Variants in KCNT1 observed in about 807,000 individuals in gnomAD.
The protein encoded by KCNT1 is potassium channel subfamily T member 1.
KCNT1 carries 78 observed loss-of-function variants against 147.8 expected under a neutral mutation model. The observed-to-expected ratio is 0.53, with a 90% CI of 0.44 to 0.64. The LOEUF (loss-of-function observed/expected upper bound fraction) is 0.64, where lower values mean the gene tolerates loss of function less well. Ranked by LOEUF, KCNT1 falls within the 30% of genes least tolerant of loss-of-function variation. The pLI is 0.00. For missense variants in KCNT1, 1,419 were observed against 1,750.3 expected (o/e 0.81, Z 3.38); for synonymous variants, 867 against 748.8 (o/e 1.16, Z -2.58).
In KCNT1 at chr9:135,765,096, T is replaced by C. The variant is rs553751644; in HGVS notation, c.1101T>C (p.Arg367=). The change falls in exon 12 of 31, where the codon CGT becomes CGC. Residue 367 remains arginine, a synonymous_variant. Coordinates refer to ENST00000371757, the MANE Select transcript of KCNT1 (RefSeq NM_020822.3). ...QKSGGNYSRH[R]AQTEKHVVLC... is the part of the protein sequence containing the mutation. Reference sequence around the variant, plus strand: ...CAGGGGGCAACTACAGCCGCCACCGTGCGCAGACGGAGAAGCACGTGGTCC... The same window carrying C: ...CAGGGGGCAACTACAGCCGCCACCGCGCGCAGACGGAGAAGCACGTGGTCC... The C allele has an allele frequency of 6.2e-6, 10 of 1,613,480 alleles. No individual in the cohort carries two copies. Among genetic ancestry groups the C allele is most frequent in the Non-Finnish European group, 7.6e-6 (9 of 1,179,942 alleles).
At chr9:135,778,335 C>G in intron 21 of KCNT1, 89 bp from the exon 22 acceptor site, 1 of 1,242,616 alleles carries the variant, frequency 8.0e-7, no homozygotes, top group Admixed American at 2.1e-5. Flanking sequence ...CCTGGCCCAG[C>G]TCTGTGCATG....
Position 135,775,290 on chromosome 9 carries a change from G to A in KCNT1, c.2244-20G>A. 4 of 1,583,950 alleles carry A rather than the reference G, an allele frequency of 2.5e-6. No homozygotes were observed. Among genetic ancestry groups the A allele is most frequent in the Non-Finnish European group, 3.5e-6 (4 of 1,159,414 alleles). ...CCACCTCTGTGCAGCTGTGCTGAGG[G>A]CTCCTGTCTCCTGCCCCAGGTATGT... is the stretch of plus-strand genomic sequence containing the variant. On this transcript the variant is annotated intron_variant, in intron 19 of 30. Transcript: ENST00000371757.
At chr9:135,750,412 C>A in intron 3 of KCNT1, 1 of 573,532 alleles carries the variant, frequency 1.7e-6, no homozygotes, top group Non-Finnish European at 3.1e-6. Context: ...GCCTCTGCAG[C>A]GGGACTCGTG....
At chr9:135,753,069 G>A (rs1314911688) in intron 4 of KCNT1, among the ~76,000 whole-genome samples, 1 of 151,848 alleles carries the variant, frequency 6.6e-6, no homozygotes, top group East Asian at 1.9e-4. Context: ...TGGATAGAGG[G>A]ATGGATGGAT....
At chr9:135,763,865 C>T (rs1174762666) in intron 11 of KCNT1, among the ~76,000 whole-genome samples, 1 of 152,158 alleles carries the variant, frequency 6.6e-6, no homozygotes, top group Non-Finnish European at 1.5e-5. Flanking sequence ...CCGTGCCATG[C>T]AGCCATCTTG....
intron 9 of KCNT1, among the ~76,000 whole-genome samples, chr9:135,758,014 T>A (rs1264081049): frequency 6.6e-6 from 1 of 152,212 alleles, no homozygotes; most frequent in South Asian, 2.1e-4. Flanking sequence ...GGACCCGTCC[T>A]GAGAGAGGAC....
intron 2 of KCNT1, among the ~76,000 whole-genome samples, chr9:135,747,581 C>T (rs915207792): frequency 1.3e-5 from 2 of 152,136 alleles, no homozygotes; most frequent in Non-Finnish European, 2.9e-5. Flanking sequence ...GGCGGACAGA[C>T]CCCCCAAAGA....
Position 135,765,689 on chromosome 9 carries a change from C to A in KCNT1, c.1266C>A (p.Ile422=). 1 of 1,610,876 alleles carries A rather than the reference C, an allele frequency of 6.2e-7. No individual in the cohort carries two copies. Among genetic ancestry groups the A allele is most frequent in the South Asian group, 1.1e-5 (1 of 90,538 alleles). Residue 422 remains isoleucine, a synonymous_variant, in exon 13 of 31, where the codon ATC becomes ATA. Transcript: ENST00000371757. ...TCCAGGTGCGCAGAGTCCTGCAGATCCCTCTGTGGTCCCAGCGGGTCATCT... is the reference window on the plus strand; with the variant it reads ...TCCAGGTGCGCAGAGTCCTGCAGATACCTCTGTGGTCCCAGCGGGTCATCT... The part of the protein sequence containing the change: ...MDVQVRRVLQ[I]PLWSQRVIYL...
intron 2 of KCNT1, among the ~76,000 whole-genome samples, chr9:135,745,321 G>A (rs1490530689): frequency 6.6e-6 from 1 of 152,118 alleles, no homozygotes; most frequent in African/African-American, 2.4e-5. Context: ...GTTCCACCGA[G>A]CCCACGCCCA....
chr9:135,786,886 C>T (rs888455393), intron 29 of KCNT1, among the ~76,000 whole-genome samples: 2 of 152,218 alleles, frequency 1.3e-5, no homozygotes, highest in Non-Finnish European at 2.9e-5. Context: ...TGGCTGAGCC[C>T]TTTGGCCAGG....
In KCNT1 at chr9:135,757,156, G is replaced by A; in HGVS notation, c.601G>A (p.Gly201Ser). 1 of 1,589,480 alleles carries A rather than the reference G, an allele frequency of 6.3e-7. No individual in the cohort carries two copies. The highest frequency in any genetic ancestry group is 8.5e-7 in the Non-Finnish European group (1 of 1,170,306). The change falls in exon 8 of 31, where the codon GGC (glycine) becomes AGC (serine). Residue 201 changes from glycine (G) to serine (S), a missense_variant and splice_region_variant. By Grantham distance (56) the Gly-to-Ser change is moderately conservative. Coordinates refer to ENST00000371757, the MANE Select transcript of KCNT1 (RefSeq NM_020822.3). ...GCTGATACCCCCCGTTTGGCCCCAG[G>A]GCAACATCTGGGAGCAGATCTTCCG... Reference protein sequence around the residue: ...TMLLIYLSYKGNIWEQIFRVS... With the variant: ...TMLLIYLSYKSNIWEQIFRVS...
chr9:135,753,044 A>G (rs373134111), intron 4 of KCNT1, among the ~76,000 whole-genome samples: 1 of 123,220 alleles, frequency 8.1e-6, no homozygotes, highest in South Asian at 2.9e-4. Context: ...ATGAGTAGAT[A>G]GATGGATGAG....
chr9:135,714,930 G>T lies in KCNT1; in HGVS notation c.254+210G>T, dbSNP rs947050836. ...CGGGAGGGGGTCTCCGGAGGAGGGC[G>T]CGGGATGCTCGGAGCTGCGGAGTCT... On this transcript the variant is annotated intron_variant, in intron 2 of 30. Coordinates refer to ENST00000371757, the MANE Select transcript of KCNT1 (RefSeq NM_020822.3). The surrounding 1 kb of genome is among the most constrained non-coding windows in gnomAD (Gnocchi z 6.2). Among the ~76,000 whole-genome samples, 2 of 152,240 alleles carry T rather than the reference G, an allele frequency of 1.3e-5. No homozygotes were observed. Among genetic ancestry groups the T allele is most frequent in the Non-Finnish European group, 2.9e-5 (2 of 68,034 alleles).
intron 2 of KCNT1, among the ~76,000 whole-genome samples, chr9:135,732,510 G>T (rs984488403): frequency 9.2e-5 from 14 of 152,118 alleles, no homozygotes; most frequent in African/African-American, 3.1e-4. Context: ...CCTGGCTTGG[G>T]CTCATTGAGT....
chr9:135,743,543 C>G (rs981853553), intron 2 of KCNT1, among the ~76,000 whole-genome samples: 2 of 152,182 alleles, frequency 1.3e-5, no homozygotes, highest in Non-Finnish European at 2.9e-5. Context: ...GTGGCCACCA[C>G]CGGACCTCTA....
chr9:135,731,991 T>TATATATAGAGAGAGAGAG (rs1276318460), intron 2 of KCNT1, among the ~76,000 whole-genome samples: 4 of 21,726 alleles, frequency 1.8e-4, no homozygotes, highest in African/African-American at 3.5e-4. Context: ...TATATATATA[T>TATATATAGAGAGAGAGAG]AGAGAGAGAG....
At chr9:135,716,041 A>G (rs1380938333) in intron 2 of KCNT1, among the ~76,000 whole-genome samples, 1 of 152,232 alleles carries the variant, frequency 6.6e-6, no homozygotes, top group Non-Finnish European at 1.5e-5. Flanking sequence ...GGCAGAGGGC[A>G]GTCAGCCAGG....
At position 135,794,749 on chromosome 9, in the gene KCNT1, G is replaced by C. The variant is rs1403844254; in HGVS notation, c.*2588G>C. 1 of 152,176 alleles carries C rather than the reference G, an allele frequency of 6.6e-6. No individual in the cohort carries two copies. Among genetic ancestry groups the C allele is most frequent in the African/African-American group, 2.4e-5 (1 of 41,436 alleles). The allele number at this position is 152,176 out of a possible 1,614,324, so 9.4% of individuals were successfully genotyped here. A position where few individuals can be genotyped will look rare whatever the true frequency, so the allele number is the denominator to read the frequency against. On this transcript the variant is annotated 3_prime_UTR_variant, in exon 31 of 31. Coordinates refer to ENST00000371757, the MANE Select transcript of KCNT1 (RefSeq NM_020822.3). ...AACTTCTGTGCTCTCCTTGGCCTCTGTGTTCTTCATCTCCAGGTTTAGGGA... is the reference window on the plus strand; with the variant it reads ...AACTTCTGTGCTCTCCTTGGCCTCTCTGTTCTTCATCTCCAGGTTTAGGGA...
rs1292203396 is a variant in KCNT1, at chr9:135,777,685, CCTCCTGCTCCCAGCTCCTCCCCACACCCA to C, written c.2522+200_2522+228del. On this transcript the variant is annotated intron_variant, in intron 21 of 30. Transcript: ENST00000371757. ...GGGACTCTCCTTCCTGCTCCCAACT[CCTCCTGCTCCCAGCTCCTCCCCACACCCA>C]CTCCTGCTCCCAGCTCCTCCCCACC... 6.2e-4 allele frequency among the ~76,000 whole-genome samples: 94 copies of C among 151,794 alleles called. 1 individual carries two copies. The South Asian group carries it at 0.012, about 19-fold the overall frequency.
Sources: allele counts gnomAD v4.1 joint callset (sites outside exome capture counted in the v4.1 genomes callset), GRCh38; gene constraint gnomAD v4.1.1; non-coding constraint Gnocchi (gnomAD v3.1); transcripts MANE v1.5; gene names NCBI Gene and HGNC (gene_info 2026-07-23, HGNC 2026-07-21).